The following PCP4 variants were observed in gnomAD, a reference collection of about 807,000 sequenced individuals.
PCP4 encodes the protein Purkinje cell protein 4, also known as calmodulin regulator protein PCP4.
In PCP4, 8 loss-of-function variants were observed where a neutral mutation model predicts 10.0. That is an observed-to-expected ratio of 0.80 (90% CI 0.47 to 1.45). PCP4 has a LOEUF of 1.45. PCP4 is among the 40% of genes most tolerant of loss of function. The pLI is 0.00. For missense variants in PCP4, 54 were observed against 74.4 expected, an observed-to-expected ratio of 0.73 and a Z score of 1.01; for synonymous variants, 21 against 23.0, an observed-to-expected ratio of 0.91 and a Z score of 0.24.
rs913183540 is a variant in PCP4 at position 39,906,606 on chromosome 21, C to T, written c.61+8079C>T. Among the ~76,000 whole-genome samples, 6 of 151,946 alleles carry T rather than the reference C, an allele frequency of 3.9e-5. No individual in the cohort carries two copies. Among genetic ancestry groups the T allele is most frequent in the South Asian group, 2.1e-4 (1 of 4,792 alleles). On this transcript the variant is annotated intron_variant, in intron 2 of 2. Coordinates refer to ENST00000328619, the MANE Select transcript of PCP4 (RefSeq NM_006198.3). This position sits in a 1 kb window ranked among gnomAD's most constrained non-coding sequence, Gnocchi z 6.3. ...TTTCCTTCCCTTCCTTCCCTCCCTC[C>T]GTCTTTTCTTCCTACCTTTCATCCT...
intron 2 of PCP4, among the ~76,000 whole-genome samples, chr21:39,924,999 C>T (rs1005344076): frequency 1.3e-5 from 2 of 152,188 alleles, no homozygotes; most frequent in African/African-American, 4.8e-5. Flanking sequence ...CCTGTGCCTT[C>T]CTCTTTCCCT....
chr21:39,918,857 C>A (rs1219443253), intron 2 of PCP4, among the ~76,000 whole-genome samples: 1 of 152,188 alleles, frequency 6.6e-6, no homozygotes, highest in Non-Finnish European at 1.5e-5. Context: ...GGAAGTCAGG[C>A]AGAAGGACAC....
chr21:39,924,759 G>A (rs2087612492), intron 2 of PCP4, among the ~76,000 whole-genome samples: 1 of 152,174 alleles, frequency 6.6e-6, no homozygotes, highest in Admixed American at 6.5e-5. Context: ...TCCATATGCT[G>A]CCCAGGCTGG....
At chr21:39,895,542 C>T (rs1039647354) in intron 1 of PCP4, among the ~76,000 whole-genome samples, 3 of 152,270 alleles carry the variant, frequency 2.0e-5, no homozygotes, top group African/African-American at 7.2e-5. Context: ...AAAGGAAGGG[C>T]TCCAGAGCCA....
rs528790109 is a variant in PCP4 at position 39,925,168 on chromosome 21, C to T, written c.62-3816C>T. On this transcript the variant is annotated intron_variant, in intron 2 of 2. Transcript: ENST00000328619. Reference sequence around the variant, plus strand: ...TTTCCCATCTTCCTTACAGTGCCCCCTGTGGGCTGTGTCCCTCTGGCTGCC... The same window carrying T: ...TTTCCCATCTTCCTTACAGTGCCCCTTGTGGGCTGTGTCCCTCTGGCTGCC... Among the ~76,000 whole-genome samples the T allele has an allele frequency of 2.0e-5, 3 of 152,328 alleles. No homozygotes were observed. The East Asian group carries it at 5.8e-4, about 29-fold the overall frequency.
chr21:39,875,237 T>C (rs2087339143), intron 1 of PCP4, among the ~76,000 whole-genome samples: 1 of 146,678 alleles, frequency 6.8e-6, no homozygotes, highest in Non-Finnish European at 1.5e-5. Flanking sequence ...GGGTTTTCTT[T>C]TTCAAATTGT....
At chr21:39,873,713 T>C (rs933868698) in intron 1 of PCP4, among the ~76,000 whole-genome samples, 19 of 152,322 alleles carry the variant, frequency 1.2e-4, no homozygotes, top group African/African-American at 4.6e-4. Context: ...CTTTGGGGTA[T>C]AGATATGGGA....
chr21:39,869,307 G>A (rs2087308509), intron 1 of PCP4, among the ~76,000 whole-genome samples: 1 of 152,180 alleles, frequency 6.6e-6, no homozygotes. Flanking sequence ...GGTCTCCAGG[G>A]AGAAAGCGCG....
intron 1 of PCP4, among the ~76,000 whole-genome samples, chr21:39,871,185 A>G (rs1182481062): frequency 6.6e-6 from 1 of 152,232 alleles, no homozygotes; most frequent in Admixed American, 6.5e-5. Context: ...GAATTAAAAA[A>G]ATGTTTTGCC....
chr21:39,914,375 A>G (rs1445857160), intron 2 of PCP4, among the ~76,000 whole-genome samples: 10 of 152,162 alleles, frequency 6.6e-5, no homozygotes, highest in Non-Finnish European at 1.5e-4. Flanking sequence ...GGAGTTCGAG[A>G]TCAGCCTGGC....
intron 2 of PCP4, among the ~76,000 whole-genome samples, chr21:39,900,542 C>A (rs1439593633): frequency 6.6e-6 from 1 of 152,034 alleles, no homozygotes; most frequent in Non-Finnish European, 1.5e-5. Context: ...AGTCCAGTGG[C>A]GGTGGGCTGG....
intron 2 of PCP4, among the ~76,000 whole-genome samples, chr21:39,908,630 C>A (rs1010365697): frequency 2.0e-5 from 3 of 152,146 alleles, no homozygotes; most frequent in African/African-American, 7.2e-5. Context: ...TCTGCTCCCA[C>A]TGAGCAGAGT....
intron 1 of PCP4, among the ~76,000 whole-genome samples, chr21:39,891,053 T>C (rs1187051602): frequency 6.6e-6 from 1 of 152,226 alleles, no homozygotes; most frequent in African/African-American, 2.4e-5. Flanking sequence ...TTTATGTCCA[T>C]TCTAAGCTCA....
At chr21:39,895,549 G>A (rs1000735645) in intron 1 of PCP4, among the ~76,000 whole-genome samples, 5 of 152,264 alleles carry the variant, frequency 3.3e-5, no homozygotes, top group Non-Finnish European at 7.3e-5. Flanking sequence ...GGGCTCCAGA[G>A]CCAGCTTCTT....
intron 1 of PCP4, among the ~76,000 whole-genome samples, chr21:39,896,013 A>G (rs528443259): frequency 1.6e-4 from 25 of 152,178 alleles, no homozygotes; most frequent in Non-Finnish European, 2.8e-4. Context: ...CTACGACATA[A>G]ATCACCTTCA....
intron 1 of PCP4, among the ~76,000 whole-genome samples, chr21:39,893,699 G>A (rs149214172): frequency 6.0e-4 from 91 of 152,344 alleles, no homozygotes; most frequent in African/African-American, 2.1e-3. Context: ...GGACAATGTT[G>A]AAGGAAGTCA....
chr21:39,920,277 AGTGTGTGTG>A (rs1178611134), intron 2 of PCP4, among the ~76,000 whole-genome samples: 1 of 54,772 alleles, frequency 1.8e-5, no homozygotes, highest in Non-Finnish European at 3.6e-5. Context: ...TGTGTGGTGT[AGTGTGTGTG>A]GTGTGTGTGT....
intron 2 of PCP4, among the ~76,000 whole-genome samples, chr21:39,928,493 C>T (rs981852367): frequency 5.9e-5 from 9 of 152,216 alleles, no homozygotes; most frequent in East Asian, 3.9e-4. Flanking sequence ...CCCATCTTGA[C>T]GATGATAAAA....
chr21:39,916,062 C>T (rs1037945618), intron 2 of PCP4: 1 of 152,034 alleles, frequency 6.6e-6, no homozygotes, highest in African/African-American at 2.4e-5. Context: ...TCTATGTTTC[C>T]TAGTCAGAGT....
Sources: allele counts gnomAD v4.1 joint callset (sites outside exome capture counted in the v4.1 genomes callset), GRCh38; gene constraint gnomAD v4.1.1; non-coding constraint Gnocchi (gnomAD v3.1); transcripts MANE v1.5; gene names NCBI Gene and HGNC (gene_info 2026-07-23, HGNC 2026-07-21).